ROCK2: variants seen among roughly 807,000 people sequenced by gnomAD.
The protein encoded by ROCK2 is Rho associated coiled-coil containing protein kinase 2.
In ROCK2, 61 loss-of-function variants were observed where a neutral mutation model predicts 195.1. The ratio of observed to expected loss-of-function variants is 0.31; its 90% confidence interval spans 0.25 to 0.39. The LOEUF is 0.39. Among genes scored for constraint, ROCK2 ranks in the 10% least tolerant of loss-of-function variants. The probability of loss-of-function intolerance (pLI) is 1.00; values close to 1 mark genes in which losing one functional copy is unlikely to be tolerated. For missense variants in ROCK2, 1,109 were observed against 1,637.4 expected, an observed-to-expected ratio of 0.68 and a Z score of 5.57; for synonymous variants, 504 against 545.5, an observed-to-expected ratio of 0.92 and a Z score of 1.06.
intron 1 of ROCK2, among the ~76,000 whole-genome samples, chr2:11,305,435 G>A (rs1181987631): frequency 8.6e-6 from 1 of 115,898 alleles, no homozygotes; most frequent in African/African-American, 3.2e-5. Context: ...ATAAATGTCT[G>A]TGTGGGTGTA....
chr2:11,315,845 T>C (rs1180638883), intron 1 of ROCK2, among the ~76,000 whole-genome samples: 1 of 152,138 alleles, frequency 6.6e-6, no homozygotes, highest in East Asian at 1.9e-4. Context: ...AGGGGCCTTC[T>C]TCAGTCCACA....
chr2:11,192,112 CTTT>C lies in ROCK2; in HGVS notation c.4163+33_4163+35del. On this transcript the variant is annotated intron_variant, in intron 32 of 32. Transcript: ENST00000315872. This position sits in a 1 kb window ranked among gnomAD's most constrained non-coding sequence, Gnocchi z 5.0. Reference sequence around the variant, plus strand: ...ATAAATAGCAAAATATTTTAATAGACTTTTTTTTTTTCCTTACCACATTTTAGT... The same window carrying C: ...ATAAATAGCAAAATATTTTAATAGACTTTTTTTTCCTTACCACATTTTAGT... The C allele has an allele frequency of 1.8e-6, 2 of 1,121,204 alleles. No individual in the cohort carries two copies. Among genetic ancestry groups the C allele is most frequent in the Non-Finnish European group, 2.5e-6 (2 of 815,848 alleles). The allele number at this position is 1,121,204 out of a possible 1,614,324, so 69.5% of individuals were successfully genotyped here. A position where few individuals can be genotyped will look rare whatever the true frequency, so the allele number is the denominator to read the frequency against.
intron 4 of ROCK2, among the ~76,000 whole-genome samples, chr2:11,238,313 T>G (rs746898161): frequency 1.4e-4 from 21 of 150,658 alleles, no homozygotes; most frequent in Non-Finnish European, 2.1e-4. Flanking sequence ...AGAGACCACC[T>G]CATGTACACG....
chr2:11,191,585 CTTGACAA>C (rs1452000236), intron 32 of ROCK2, among the ~76,000 whole-genome samples: 1 of 152,164 alleles, frequency 6.6e-6, no homozygotes, highest in African/African-American at 2.4e-5. Context: ...AGTGTGTGCA[CTTGACAA>C]TGTGAGGTCT....
intron 1 of ROCK2, among the ~76,000 whole-genome samples, chr2:11,312,102 T>A (rs892666023): frequency 6.6e-6 from 1 of 152,190 alleles, no homozygotes; most frequent in African/African-American, 2.4e-5. Context: ...CTCACTAAAC[T>A]TTTTGTATTG....
intron 3 of ROCK2, among the ~76,000 whole-genome samples, chr2:11,263,019 CA>C (rs958384932): frequency 6.6e-6 from 1 of 152,010 alleles, no homozygotes; most frequent in African/African-American, 2.4e-5. Context: ...CAGCCAAGAT[CA>C]AATGGGGGAT....
intron 32 of ROCK2, among the ~76,000 whole-genome samples, chr2:11,187,207 G>A (rs1663231276): frequency 6.6e-6 from 1 of 152,108 alleles, no homozygotes; most frequent in African/African-American, 2.4e-5. Flanking sequence ...ACTTTCCATG[G>A]TTTCAAGTTA....
At chr2:11,212,689 G>A (rs1664291493) in intron 17 of ROCK2, among the ~76,000 whole-genome samples, 1 of 151,252 alleles carries the variant, frequency 6.6e-6, no homozygotes, top group Admixed American at 6.6e-5. Context: ...TCCAAATAAA[G>A]CCTTTCATAC....
intron 1 of ROCK2, among the ~76,000 whole-genome samples, chr2:11,299,040 G>A (rs370695766): frequency 3.3e-5 from 5 of 151,900 alleles, no homozygotes; most frequent in Admixed American, 6.6e-5. Context: ...AGACCCAGGC[G>A]GGCAGATCAT....
At chr2:11,214,324 T>C in intron 17 of ROCK2, 33 bp downstream of exon 17, 1 of 1,273,480 alleles carries the variant, frequency 7.9e-7, no homozygotes, top group Non-Finnish European at 1.1e-6. Flanking sequence ...CTACTGTCAA[T>C]TTTCTTATGC....
intron 4 of ROCK2, among the ~76,000 whole-genome samples, chr2:11,242,135 T>C (rs1665447888): frequency 6.6e-6 from 1 of 152,132 alleles, no homozygotes; most frequent in Non-Finnish European, 1.5e-5. Context: ...TTCTGTTGTT[T>C]ATAAGCTACC....
intron 1 of ROCK2, among the ~76,000 whole-genome samples, chr2:11,324,264 G>A (rs540784151): frequency 1.7e-4 from 26 of 152,186 alleles, no homozygotes; most frequent in Admixed American, 7.9e-4. Flanking sequence ...GTGAAACCCC[G>A]TCTCCACTAA....
chr2:11,269,314 C>A (rs1169596739), intron 3 of ROCK2, among the ~76,000 whole-genome samples: 2 of 151,950 alleles, frequency 1.3e-5, no homozygotes, highest in Non-Finnish European at 2.9e-5. Context: ...GAGTTTGAGA[C>A]CAGCCTGGCC....
chr2:11,224,172 C>T (rs1415565571), intron 7 of ROCK2, 150 bp downstream of exon 7: 1 of 699,248 alleles, frequency 1.4e-6, no homozygotes, highest in Non-Finnish European at 2.3e-6. Flanking sequence ...CAACACCAGG[C>T]TTAGCAGAAG....
intron 4 of ROCK2, 23 bp downstream of exon 4, chr2:11,249,638 C>A: frequency 7.0e-7 from 1 of 1,438,206 alleles, no homozygotes; most frequent in Non-Finnish European, 9.1e-7. Context: ...AGGAAATAAA[C>A]TTATAAAAGT....
intron 6 of ROCK2, among the ~76,000 whole-genome samples, chr2:11,225,079 G>A (rs887546790): frequency 6.6e-6 from 1 of 152,192 alleles, no homozygotes; most frequent in East Asian, 1.9e-4. Flanking sequence ...TTTTACATAA[G>A]AGGAAGTCAG....
Position 11,195,021 on chromosome 2 carries a change from T to G in ROCK2, c.3453A>C (p.Ser1151=). Residue 1151 remains serine, a synonymous_variant, in exon 28 of 33, where the codon TCA becomes TCC. Transcript: ENST00000315872. ...DAEADDGFPE[S]RLEGWLSLPV... ...GCAATGAAAGCCATCCTTCTAATCT[T>G]GATTCTACAAATAAGCACAACATGT... 3.8e-6 allele frequency: 6 copies of G among 1,561,026 alleles called. No homozygotes were observed. The highest frequency in any genetic ancestry group is 5.2e-6 in the Non-Finnish European group (6 of 1,149,088).
At chr2:11,290,847 A>G (rs1667340833) in intron 1 of ROCK2, among the ~76,000 whole-genome samples, 1 of 152,128 alleles carries the variant, frequency 6.6e-6, no homozygotes, top group Non-Finnish European at 1.5e-5. Flanking sequence ...CAACAACAAC[A>G]TCTTATTGCC....
chr2:11,284,549 A>C (rs2148189887), intron 3 of ROCK2, among the ~76,000 whole-genome samples: 1 of 152,312 alleles, frequency 6.6e-6, no homozygotes, highest in African/African-American at 2.4e-5. Flanking sequence ...TGAACCTAAA[A>C]GTGCTCTTAA....
Sources: allele counts gnomAD v4.1 joint callset (sites outside exome capture counted in the v4.1 genomes callset), GRCh38; gene constraint gnomAD v4.1.1; non-coding constraint Gnocchi (gnomAD v3.1); transcripts MANE v1.5; gene names NCBI Gene and HGNC (gene_info 2026-07-23, HGNC 2026-07-21).